TTLL5: variants seen among roughly 807,000 people sequenced by gnomAD.
The protein encoded by TTLL5 is tubulin tyrosine ligase like 5, also known as tubulin polyglutamylase TTLL5.
A neutral mutation model predicts 168.4 loss-of-function variants in TTLL5; 132 were observed. The ratio of observed to expected loss-of-function variants is 0.78; its 90% CI spans 0.68 to 0.91. TTLL5 has a LOEUF of 0.91. TTLL5 is among the 40% of genes least tolerant of loss of function. The pLI, the probability that TTLL5 is intolerant of heterozygous loss-of-function variation, is 0.00. For synonymous variants in TTLL5, 546 were observed against 558.6 expected (o/e 0.98, Z 0.32); for missense variants, 1,545 against 1,581.5 (o/e 0.98, Z 0.39).
In TTLL5 at chr14:75,727,532, GT is replaced by G. The variant is rs1416765059; in HGVS notation, c.1043-4805del. 2.0e-5 allele frequency among the ~76,000 whole-genome samples: 3 copies of G among 152,308 alleles called. No individual in the cohort carries two copies. The East Asian group carries it at 5.8e-4, about 29-fold the overall frequency. On this transcript the variant is annotated intron_variant, in intron 12 of 31. Transcript: ENST00000298832. ...AAAATGAGATCAGTGGTTGCTGAGG[GT>G]GGGAGTGCGACTGGAGAGGGGCACA... is the stretch of plus-strand genomic sequence containing the variant.
intron 7 of TTLL5, among the ~76,000 whole-genome samples, chr14:75,702,330 T>C (rs1886328224): frequency 6.6e-6 from 1 of 152,210 alleles, no homozygotes; most frequent in African/African-American, 2.4e-5. Flanking sequence ...CTCCAACAGC[T>C]TTTCCTTCAG....
Position 75,765,781 on chromosome 14 carries a change from T to C in TTLL5, c.1709-281T>C, listed in dbSNP as rs1257260194. Among the ~76,000 whole-genome samples the C allele has an allele frequency of 2.0e-5, 3 of 152,108 alleles. No individual in the cohort carries two copies. The East Asian group carries it at 5.8e-4, about 29-fold the overall frequency. ...GGAAGGCTGAGGTTGGAGGACTACTTGACCCCAGGATGTCGAGCTGTAATG... is the reference window on the plus strand; with the variant it reads ...GGAAGGCTGAGGTTGGAGGACTACTCGACCCCAGGATGTCGAGCTGTAATG... On this transcript the variant is annotated intron_variant, in intron 19 of 31. Transcript: ENST00000298832.
intron 5 of TTLL5, chr14:75,684,503 T>C (rs962870323): frequency 6.6e-6 from 1 of 152,264 alleles, no homozygotes; most frequent in Non-Finnish European, 1.5e-5. Flanking sequence ...TATTAGCTGA[T>C]CATTAAACAT....
chr14:75,831,674 T>C (rs1254930160), intron 28 of TTLL5, among the ~76,000 whole-genome samples: 1 of 152,202 alleles, frequency 6.6e-6, no homozygotes, highest in Non-Finnish European at 1.5e-5. Context: ...GCCTGATGGC[T>C]TTTCAGAGAC....
intron 31 of TTLL5, among the ~76,000 whole-genome samples, chr14:75,920,356 C>T (rs1399486305): frequency 2.0e-5 from 3 of 151,964 alleles, no homozygotes; most frequent in Non-Finnish European, 4.4e-5. Flanking sequence ...TGTTGGTTTG[C>T]TGCACCCATC....
chr14:75,869,077 C>T (rs1169557507), intron 29 of TTLL5, among the ~76,000 whole-genome samples: 3 of 138,400 alleles, frequency 2.2e-5, no homozygotes, highest in Non-Finnish European at 3.0e-5. Flanking sequence ...AGTTCCAGAG[C>T]ATATTGACTC....
intron 6 of TTLL5, among the ~76,000 whole-genome samples, chr14:75,697,447 A>G (rs1339406406): frequency 6.6e-6 from 1 of 152,178 alleles, no homozygotes; most frequent in Non-Finnish European, 1.5e-5. Flanking sequence ...TAATTCTGTT[A>G]ATTCTGCATC....
At chr14:75,826,943 T>G (rs995775302) in intron 28 of TTLL5, among the ~76,000 whole-genome samples, 3 of 117,510 alleles carry the variant, frequency 2.6e-5, no homozygotes, top group Non-Finnish European at 1.8e-5. Flanking sequence ...CCCTTCTCGC[T>G]GCTAAAAGAC....
intron 20 of TTLL5, among the ~76,000 whole-genome samples, chr14:75,767,116 T>C (rs1156695368): frequency 6.6e-6 from 1 of 150,794 alleles, no homozygotes; most frequent in Non-Finnish European, 1.5e-5. Flanking sequence ...TGAGCCAAGA[T>C]TGTGCCATTG....
intron 18 of TTLL5, among the ~76,000 whole-genome samples, chr14:75,760,384 G>A (rs1294395372): frequency 2.0e-5 from 3 of 151,916 alleles, no homozygotes; most frequent in African/African-American, 7.2e-5. Context: ...TTGATTAGAA[G>A]AATTCATATA....
intron 29 of TTLL5, among the ~76,000 whole-genome samples, chr14:75,873,359 C>A (rs1161327874): frequency 6.6e-6 from 1 of 152,206 alleles, no homozygotes; most frequent in Admixed American, 6.5e-5. Context: ...CAGGTGTGAG[C>A]CACCACGCCC....
chr14:75,888,208 G>C, intron 30 of TTLL5, among the ~76,000 whole-genome samples: 1 of 152,180 alleles, frequency 6.6e-6, no homozygotes, highest in East Asian at 1.9e-4. Context: ...AGTGACGTCA[G>C]TCAGAGGGAT....
Position 75,696,201 on chromosome 14 carries a change from G to A in TTLL5, c.503-2987G>A, listed in dbSNP as rs933146869. ...GAGCCTATTAATAACTAGCCTGGTC[G>A]TTTCCTTAGACATTTCTGTAGAACC... On this transcript the variant is annotated intron_variant, in intron 6 of 31. Coordinates refer to ENST00000298832, the MANE Select transcript of TTLL5 (RefSeq NM_015072.5). Among the ~76,000 whole-genome samples the A allele has an allele frequency of 1.1e-4, 16 of 152,126 alleles. 1 individual carries two copies. The South Asian group carries it at 2.3e-3, about 22-fold the overall frequency.
chr14:75,921,743 G>GT (rs1262698585), intron 31 of TTLL5, among the ~76,000 whole-genome samples: 1 of 152,170 alleles, frequency 6.6e-6, no homozygotes, highest in Non-Finnish European at 1.5e-5. Context: ...CTTTAAAGTA[G>GT]TTTTTTCCAA....
intron 28 of TTLL5, among the ~76,000 whole-genome samples, chr14:75,827,684 T>A (rs1252501776): frequency 2.1e-5 from 3 of 141,766 alleles, no homozygotes; most frequent in African/African-American, 7.6e-5. Context: ...GAGCCAATAA[T>A]CAATACCACA....
chr14:75,693,714 G>T (rs559685923), intron 6 of TTLL5, among the ~76,000 whole-genome samples: 1 of 152,360 alleles, frequency 6.6e-6, no homozygotes, highest in African/African-American at 2.4e-5. Flanking sequence ...CAAAGAAGAA[G>T]ATGGGGTGGT....
At chr14:75,945,647 G>T (rs572553459) in intron 31 of TTLL5, among the ~76,000 whole-genome samples, 2 of 152,282 alleles carry the variant, frequency 1.3e-5, no homozygotes, top group South Asian at 2.1e-4. Context: ...GAAAGAAAAA[G>T]AGGTGGAAAG....
chr14:75,833,264 A>G (rs1450972156), intron 28 of TTLL5, among the ~76,000 whole-genome samples: 8 of 152,088 alleles, frequency 5.3e-5, no homozygotes, highest in African/African-American at 1.9e-4. Context: ...GCTGTTTCAT[A>G]TTTCAAGACT....
chr14:75,863,115 A>G (rs1009436073), intron 28 of TTLL5, among the ~76,000 whole-genome samples: 1 of 152,204 alleles, frequency 6.6e-6, no homozygotes, highest in African/African-American at 2.4e-5. Flanking sequence ...GAATAATGAA[A>G]AAAAGTGTCT....
Sources: allele counts gnomAD v4.1 joint callset (sites outside exome capture counted in the v4.1 genomes callset), GRCh38; gene constraint gnomAD v4.1.1; transcripts MANE v1.5; gene names NCBI Gene and HGNC (gene_info 2026-07-23, HGNC 2026-07-21).